PARN: variants seen among roughly 807,000 people sequenced by gnomAD.
The protein encoded by PARN is poly(A)-specific ribonuclease PARN.
PARN carries 71 observed loss-of-function variants against 102.8 expected under a neutral mutation model. The observed-to-expected ratio is 0.69, with a 90% CI of 0.57 to 0.84. The LOEUF is 0.84. Ranked by LOEUF, PARN falls within the 40% of genes least tolerant of loss-of-function variation. The pLI is 0.00. For synonymous variants in PARN, 261 were observed against 252.9 expected (o/e 1.03, Z -0.30); for missense variants, 782 against 760.9 (o/e 1.03, Z -0.33).
Position 14,582,195 on chromosome 16 carries a change from A to G in PARN, c.1178T>C (p.Met393Thr). 6.2e-7 allele frequency: 1 copy of G among 1,606,458 alleles called. No individual in the cohort carries two copies. The highest frequency in any genetic ancestry group is 2.2e-5 in the East Asian group (1 of 44,844). ...GTAATGCGTACCTAGGTAATTGGCC[A>G]TGGAGATGAAGCACAGCCCTGTGAT... The part of the protein sequence containing the change: ...AYITGLCFIS[M>T]ANYLGSFLSP... The change falls in exon 17 of 24, where the codon ATG becomes ACG. Residue 393 changes from methionine (M) to threonine (T), a missense_variant. Coordinates refer to ENST00000437198, the MANE Select transcript of PARN (RefSeq NM_002582.4).
chr16:14,610,960 A>G (rs1038346583), intron 6 of PARN, among the ~76,000 whole-genome samples, 151 bp from the exon 7 acceptor site: 1 of 152,238 alleles, frequency 6.6e-6, no homozygotes, highest in South Asian at 2.1e-4. Context: ...TGATTTTGAA[A>G]TGTGTTTATC....
chr16:14,459,549 T>C (rs908545293), intron 22 of PARN, among the ~76,000 whole-genome samples: 4 of 152,204 alleles, frequency 2.6e-5, no homozygotes, highest in African/African-American at 9.6e-5. Flanking sequence ...TACACTACAT[T>C]CATGGGTTGG....
intron 8 of PARN, 60 bp from the exon 9 acceptor site, chr16:14,608,379 C>T: frequency 9.4e-7 from 1 of 1,062,186 alleles, no homozygotes; most frequent in African/African-American, 1.6e-5. Flanking sequence ...CCAAACTGAT[C>T]AAGCATTTGT....
chr16:14,558,519 C>T (rs970981078), intron 18 of PARN: 10 of 151,456 alleles, frequency 6.6e-5, no homozygotes, highest in African/African-American at 9.7e-5. Flanking sequence ...GTTAATGAAA[C>T]GTATCAAGCA....
chr16:14,602,393 G>A (rs571643888), intron 11 of PARN, among the ~76,000 whole-genome samples: 5 of 152,118 alleles, frequency 3.3e-5, no homozygotes, highest in Admixed American at 3.3e-4. Flanking sequence ...CAGTCTCTCT[G>A]CCAATGACAA....
In PARN at chr16:14,629,589, A is replaced by C. The variant is rs1017406830; in HGVS notation, c.97+8T>G. On this transcript the variant is annotated splice_region_variant and intron_variant, in intron 2 of 23. Transcript: ENST00000437198. ...AAGTGCTAGCCTGAGCTTGCAAGGG[A>C]GGGATACCTGAAAACTCCCCATCGA... is the stretch of plus-strand genomic sequence containing the variant. 12 of 1,602,990 alleles carry C rather than the reference A, an allele frequency of 7.5e-6. No homozygotes were observed. Among genetic ancestry groups the C allele is most frequent in the Non-Finnish European group, 1.0e-5 (12 of 1,169,822 alleles).
intron 6 of PARN, among the ~76,000 whole-genome samples, chr16:14,612,683 C>T (rs1971589794): frequency 6.6e-6 from 1 of 151,842 alleles, no homozygotes; most frequent in Admixed American, 6.6e-5. Context: ...CTGCAACCGC[C>T]ACCTCTCGGG....
At chr16:14,597,163 C>A (rs1970572044) in intron 12 of PARN, among the ~76,000 whole-genome samples, 1 of 152,002 alleles carries the variant, frequency 6.6e-6, no homozygotes, top group Non-Finnish European at 1.5e-5. Flanking sequence ...CATTAGAATA[C>A]CACAGTAATA....
chr16:14,608,166 G>C, intron 9 of PARN, 115 bp downstream of exon 9: 1 of 751,990 alleles, frequency 1.3e-6, no homozygotes, highest in Non-Finnish European at 2.2e-6. Flanking sequence ...ACTTCATGTA[G>C]TCAAATCACT....
chr16:14,519,331 G>T (rs1434348308), intron 21 of PARN, among the ~76,000 whole-genome samples: 2 of 107,664 alleles, frequency 1.9e-5, no homozygotes, highest in African/African-American at 7.0e-5. Flanking sequence ...GAGGGGACGT[G>T]AGTGGAGGGT....
intron 18 of PARN, among the ~76,000 whole-genome samples, chr16:14,569,049 TA>T (rs1291236414): frequency 6.7e-6 from 1 of 150,276 alleles, no homozygotes; most frequent in East Asian, 2.0e-4. Flanking sequence ...CCGTCTCTAC[TA>T]AAAATACAAA....
chr16:14,515,636 T>C (rs1965419777), intron 21 of PARN, among the ~76,000 whole-genome samples: 1 of 152,106 alleles, frequency 6.6e-6, no homozygotes, highest in African/African-American at 2.4e-5. Flanking sequence ...AAGATAATAA[T>C]ATATGAAAGA....
At chr16:14,595,018 T>C (rs368880876) in intron 12 of PARN, among the ~76,000 whole-genome samples, 2 of 152,148 alleles carry the variant, frequency 1.3e-5, no homozygotes, top group Admixed American at 6.6e-5. Context: ...ATAACCACAC[T>C]GAAGGTTAAG....
At chr16:14,512,056 A>AT (rs1186081394) in intron 21 of PARN, among the ~76,000 whole-genome samples, 1 of 152,098 alleles carries the variant, frequency 6.6e-6, no homozygotes, top group Non-Finnish European at 1.5e-5. Flanking sequence ...AAATAAAGTG[A>AT]TTTTTTTCCT....
intron 22 of PARN, among the ~76,000 whole-genome samples, chr16:14,454,924 GGTT>G (rs1216506602): frequency 6.6e-6 from 1 of 152,112 alleles, no homozygotes; most frequent in African/African-American, 2.4e-5. Context: ...TATATGCACA[GGTT>G]ATTATTATGA....
chr16:14,463,409 G>C (rs1013448589), intron 22 of PARN, among the ~76,000 whole-genome samples: 1 of 151,800 alleles, frequency 6.6e-6, no homozygotes, highest in African/African-American at 2.4e-5. Flanking sequence ...GCTTAAAAAA[G>C]AAAAAAGTAA....
intron 21 of PARN, among the ~76,000 whole-genome samples, chr16:14,529,776 G>A (rs1966219116): frequency 6.6e-6 from 1 of 152,122 alleles, no homozygotes; most frequent in African/African-American, 2.4e-5. Context: ...AGCCCATGAG[G>A]ACTCGGCATC....
chr16:14,580,989 A>C (rs199870923), intron 17 of PARN, 46 bp from the exon 18 acceptor site: 2 of 1,190,214 alleles, frequency 1.7e-6, no homozygotes, highest in East Asian at 4.7e-5. Flanking sequence ...AGTCACATAG[A>C]CCAAGCCTGA....
chr16:14,551,543 T>C (rs1024563222), intron 21 of PARN, among the ~76,000 whole-genome samples: 1 of 152,062 alleles, frequency 6.6e-6, no homozygotes, highest in Non-Finnish European at 1.5e-5. Context: ...CACTCCAGCC[T>C]AGGCGACAGA....
Sources: allele counts gnomAD v4.1 joint callset (sites outside exome capture counted in the v4.1 genomes callset), GRCh38; gene constraint gnomAD v4.1.1; transcripts MANE v1.5; gene names NCBI Gene and HGNC (gene_info 2026-07-23, HGNC 2026-07-21).